CNTNAP2: variants seen among roughly 807,000 people sequenced by gnomAD.
CNTNAP2 encodes contactin associated protein 2.
Under a neutral mutation model 155.2 loss-of-function variants are expected in CNTNAP2, and 98 were observed. The observed-to-expected ratio is 0.63, with a 90% CI of 0.54 to 0.75. The LOEUF is 0.75. Ranked by LOEUF, CNTNAP2 falls within the 30% of genes least tolerant of loss-of-function variation. The pLI is 0.00. For missense variants in CNTNAP2, 1,727 were observed against 1,688.1 expected, an observed-to-expected ratio of 1.02 and a Z score of -0.40; for synonymous variants, 651 against 631.2, an observed-to-expected ratio of 1.03 and a Z score of -0.47.
At chr7:146,932,304 T>G (rs1796780763) in intron 3 of CNTNAP2, among the ~76,000 whole-genome samples, 1 of 151,650 alleles carries the variant, frequency 6.6e-6, no homozygotes, top group Non-Finnish European at 1.5e-5. Flanking sequence ...ATAAATGTAA[T>G]CCAGCATATA....
At chr7:146,144,511 A>G (rs562582549) in intron 1 of CNTNAP2, among the ~76,000 whole-genome samples, 2 of 152,262 alleles carry the variant, frequency 1.3e-5, no homozygotes, top group South Asian at 4.1e-4. Context: ...AAAAAATTTC[A>G]TTCCTTCCTG....
intron 1 of CNTNAP2, among the ~76,000 whole-genome samples, chr7:146,599,647 A>C (rs1798916906): frequency 6.6e-6 from 1 of 151,692 alleles, no homozygotes; most frequent in Admixed American, 6.6e-5. Context: ...CGCTCACAAC[A>C]CTTGGCTTAC....
intron 8 of CNTNAP2, among the ~76,000 whole-genome samples, chr7:147,284,132 A>C (rs2116731784): frequency 6.6e-6 from 1 of 151,818 alleles, no homozygotes; most frequent in Admixed American, 6.6e-5. Flanking sequence ...CAATTATATA[A>C]GTATTTATTT....
At chr7:147,666,335 A>G (rs1795696214) in intron 13 of CNTNAP2, among the ~76,000 whole-genome samples, 1 of 152,162 alleles carries the variant, frequency 6.6e-6, no homozygotes, top group Non-Finnish European at 1.5e-5. Flanking sequence ...TGGAACTGAA[A>G]AATTCTTAAC....
chr7:147,559,270 G>C (rs1313848252), intron 11 of CNTNAP2, among the ~76,000 whole-genome samples: 1 of 152,206 alleles, frequency 6.6e-6, no homozygotes, highest in Non-Finnish European at 1.5e-5. Flanking sequence ...TGAGTGTGAG[G>C]TAAGCGAGCT....
At chr7:146,855,549 A>G (rs192490076) in intron 3 of CNTNAP2, among the ~76,000 whole-genome samples, 71 of 152,128 alleles carry the variant, frequency 4.7e-4, no homozygotes, top group Middle Eastern at 6.8e-3. Context: ...TGCTGGATAT[A>G]TTGTTTAGTG....
chr7:148,232,071 C>A (rs1795972454), intron 20 of CNTNAP2, among the ~76,000 whole-genome samples: 1 of 152,134 alleles, frequency 6.6e-6, no homozygotes, highest in Non-Finnish European at 1.5e-5. Context: ...AATGTCCCAA[C>A]CCACGTGAGG....
At chr7:147,747,162 C>A (rs1797057793) in intron 13 of CNTNAP2, among the ~76,000 whole-genome samples, 1 of 152,158 alleles carries the variant, frequency 6.6e-6, no homozygotes, top group African/African-American at 2.4e-5. Context: ...AATACAAAGT[C>A]CTCCTCAGTT....
At chr7:146,274,863 A>G (rs1800139725) in intron 1 of CNTNAP2, among the ~76,000 whole-genome samples, 1 of 152,118 alleles carries the variant, frequency 6.6e-6, no homozygotes, top group South Asian at 2.1e-4. Context: ...TCTTTTAAAC[A>G]TTTTTATTTT....
At chr7:146,937,249 G>C (rs1796935220) in intron 3 of CNTNAP2, among the ~76,000 whole-genome samples, 1 of 151,700 alleles carries the variant, frequency 6.6e-6, no homozygotes. Context: ...AACTTAGCAG[G>C]GTGTGGTGGC....
At chr7:146,962,112 T>C (rs1243304840) in intron 3 of CNTNAP2, among the ~76,000 whole-genome samples, 3 of 151,496 alleles carry the variant, frequency 2.0e-5, no homozygotes, top group Admixed American at 6.6e-5. Context: ...GTATAATTTG[T>C]TTTCTAACAT....
intron 1 of CNTNAP2, among the ~76,000 whole-genome samples, chr7:146,433,446 A>C (rs1440431466): frequency 6.6e-6 from 1 of 152,112 alleles, no homozygotes; most frequent in Admixed American, 6.6e-5. Flanking sequence ...AGAATTTCCA[A>C]AATGGGGTTG....
intron 1 of CNTNAP2, among the ~76,000 whole-genome samples, chr7:146,134,510 C>A (rs1797767700): frequency 6.6e-6 from 1 of 151,564 alleles, no homozygotes; most frequent in Non-Finnish European, 1.5e-5. Flanking sequence ...GGAATGCTTC[C>A]AGTTTTTACC....
At chr7:147,626,843 GCTAGC>G (rs1313333548) in intron 12 of CNTNAP2, among the ~76,000 whole-genome samples, 1 of 152,144 alleles carries the variant, frequency 6.6e-6, no homozygotes, top group African/African-American at 2.4e-5. Context: ...AAACATCACT[GCTAGC>G]ATAACCATCA....
chr7:146,151,700 A>G lies in CNTNAP2; in HGVS notation c.97+34727A>G, dbSNP rs868167627. Among the ~76,000 whole-genome samples the G allele has an allele frequency of 1.2e-3, 70 of 57,530 alleles. 5 individuals are homozygous for G. The highest frequency in any genetic ancestry group is 2.0e-3 in the African/African-American group (20 of 9,760). The allele number at this position is 57,530 out of a possible 152,430, so 37.7% of individuals were successfully genotyped here. ...TATATATGTATATATATATATATGT[A>G]TATATATATATATGTATATATATAT... On this transcript the variant is annotated intron_variant, in intron 1 of 23. Coordinates refer to ENST00000361727, the MANE Select transcript of CNTNAP2 (RefSeq NM_014141.6).
At chr7:148,332,789 G>T (rs912963897) in intron 21 of CNTNAP2, among the ~76,000 whole-genome samples, 1 of 152,096 alleles carries the variant, frequency 6.6e-6, no homozygotes, top group African/African-American at 2.4e-5. Context: ...TTTTTTGAAC[G>T]ATGCTTCAGG....
At chr7:148,260,873 A>C (rs1397905375) in intron 20 of CNTNAP2, among the ~76,000 whole-genome samples, 1 of 152,250 alleles carries the variant, frequency 6.6e-6, no homozygotes, top group East Asian at 1.9e-4. Context: ...ACCAAGATCC[A>C]AAAGCAGCCA....
At chr7:147,035,948 AT>A (rs1293412901) in intron 3 of CNTNAP2, among the ~76,000 whole-genome samples, 1 of 152,166 alleles carries the variant, frequency 6.6e-6, no homozygotes, top group Admixed American at 6.5e-5. Context: ...GATAAATTAT[AT>A]TTTCCAAGTG....
intron 9 of CNTNAP2, among the ~76,000 whole-genome samples, chr7:147,324,659 T>G (rs998125843): frequency 2.0e-5 from 3 of 152,208 alleles, no homozygotes; most frequent in African/African-American, 7.2e-5. Flanking sequence ...ATTTATATGG[T>G]CCCTTAAAAA....
Sources: allele counts gnomAD v4.1 joint callset (sites outside exome capture counted in the v4.1 genomes callset), GRCh38; gene constraint gnomAD v4.1.1; transcripts MANE v1.5; gene names NCBI Gene and HGNC (gene_info 2026-07-23, HGNC 2026-07-21).